AKR1E2: variants seen among roughly 807,000 people sequenced by gnomAD.
AKR1E2 encodes the protein 1,5-anhydro-D-fructose reductase.
A neutral mutation model predicts 41.9 loss-of-function variants in AKR1E2; 43 were observed. That is an observed-to-expected ratio of 1.03 (90% CI 0.80 to 1.32). The LOEUF (loss-of-function observed/expected upper bound fraction) is 1.32. Ranked by LOEUF, AKR1E2 falls within the 40% of genes most tolerant of loss-of-function variation. AKR1E2 has a pLI of 0.00. For synonymous variants in AKR1E2, 121 were observed against 138.9 expected, an observed-to-expected ratio of 0.87 and a Z score of 0.91; for missense variants, 423 against 396.5, an observed-to-expected ratio of 1.07 and a Z score of -0.57.
chr10:4,867,806 A>G, the AKR1E2 span, among the ~76,000 whole-genome samples: 1 of 152,108 alleles, frequency 6.6e-6, no homozygotes, highest in Non-Finnish European at 1.5e-5. Context: ...GTGTTACTTG[A>G]TGTGACTCAT....
At chr10:4,871,129 T>G in the AKR1E2 span, among the ~76,000 whole-genome samples, 1 of 152,198 alleles carries the variant, frequency 6.6e-6, no homozygotes, top group Non-Finnish European at 1.5e-5. Context: ...TTCTAAAATT[T>G]CCAAATCTGG....
At chr10:4,871,175 T>C in the AKR1E2 span, among the ~76,000 whole-genome samples, 1 of 152,144 alleles carries the variant, frequency 6.6e-6, no homozygotes, top group Admixed American at 6.5e-5. Flanking sequence ...TCTAAAACTT[T>C]CTAATTTTTT....
chr10:4,854,306 C>G, the AKR1E2 span, among the ~76,000 whole-genome samples: 1 of 152,108 alleles, frequency 6.6e-6, no homozygotes, highest in African/African-American at 2.4e-5. Context: ...ATTGACCAGG[C>G]TGGTCTTTAA....
At position 4,847,573 on chromosome 10, in the gene AKR1E2, G is replaced by T. The variant is rs370252001; in HGVS notation, c.*43G>T. The T allele has an allele frequency of 7.5e-6, 12 of 1,602,918 alleles. No homozygotes were observed. The highest frequency in any genetic ancestry group is 7.7e-6 in the Non-Finnish European group (9 of 1,171,568). ...TGTTTCTGCTCAGCCCAGATGCACAGACACTATTGGCAATGTTGACCCTCC... is the reference window on the plus strand; with the variant it reads ...TGTTTCTGCTCAGCCCAGATGCACATACACTATTGGCAATGTTGACCCTCC... On this transcript the variant is annotated 3_prime_UTR_variant, in exon 10 of 10. Transcript: ENST00000298375.
intron 8 of AKR1E2, among the ~76,000 whole-genome samples, chr10:4,843,861 A>G (rs1834081650): frequency 6.6e-6 from 1 of 152,110 alleles, no homozygotes; most frequent in African/African-American, 2.4e-5. Context: ...CTGCTCTTTG[A>G]ATGGCCCAGA....
At chr10:4,836,604 A>G (rs1833445273) in intron 4 of AKR1E2, among the ~76,000 whole-genome samples, 1 of 152,092 alleles carries the variant, frequency 6.6e-6, no homozygotes, top group Non-Finnish European at 1.5e-5. Context: ...GCCAGAGGGA[A>G]CCCTCGGACA....
chr10:4,860,845 G>A, the AKR1E2 span, among the ~76,000 whole-genome samples: 4 of 152,060 alleles, frequency 2.6e-5, no homozygotes, highest in African/African-American at 9.6e-5. Context: ...GTGAACCTTG[G>A]GATTCTACAT....
intron 6 of AKR1E2, 62 bp from the exon 7 acceptor site, chr10:4,841,723 C>T (rs1013007761): frequency 2.3e-5 from 29 of 1,247,756 alleles, no homozygotes; most frequent in Non-Finnish European, 3.1e-5. Flanking sequence ...TTTCTTCTTT[C>T]TAAAGAAAGG....
the AKR1E2 span, among the ~76,000 whole-genome samples, chr10:4,861,091 A>G: frequency 6.6e-6 from 1 of 152,220 alleles, no homozygotes; most frequent in Non-Finnish European, 1.5e-5. Flanking sequence ...CAAAACTTAC[A>G]AAACATTTTA....
the AKR1E2 span, among the ~76,000 whole-genome samples, chr10:4,865,059 C>A: frequency 6.6e-6 from 1 of 151,948 alleles, no homozygotes; most frequent in Non-Finnish European, 1.5e-5. Context: ...GTTATTTGGC[C>A]TAAAAGTAAA....
At chr10:4,863,098 C>T in the AKR1E2 span, among the ~76,000 whole-genome samples, 1,477 of 152,258 alleles carry the variant, frequency 9.7e-3, 24 homozygotes, top group African/African-American at 0.034. Context: ...CTCAGCTCTG[C>T]ACCAAGTGGA....
the AKR1E2 span, among the ~76,000 whole-genome samples, chr10:4,866,101 T>C: frequency 6.6e-6 from 1 of 152,216 alleles, no homozygotes; most frequent in Non-Finnish European, 1.5e-5. Flanking sequence ...TATTGGGCCA[T>C]TGTTTTTCAC....
chr10:4,841,956 T>C (rs1833923454), intron 7 of AKR1E2, 99 bp downstream of exon 7: 1 of 1,096,286 alleles, frequency 9.1e-7, no homozygotes, highest in African/African-American at 1.6e-5. Context: ...AGGGACTGGC[T>C]CACCCAGGTG....
rs747679813 is a variant in AKR1E2, at chr10:4,833,384, A to C, written c.242A>C (p.Glu81Ala). Residue 81 changes from glutamate to alanine, a missense_variant, in exon 3 of 10, where the codon GAA (glutamate) becomes GCA (alanine). By Grantham distance (107) the Glu-to-Ala change is moderately radical. Coordinates refer to ENST00000298375, the MANE Select transcript of AKR1E2 (RefSeq NM_001040177.3). ...WCTCHKKSLV[E>A]TACRKSLKAL... ...ACCTGCCATAAGAAGTCCTTGGTGG[A>C]AACAGCATGCAGAAAGAGTCTCAAG... The C allele has an allele frequency of 8.1e-6, 13 of 1,614,064 alleles. No individual in the cohort carries two copies. Among genetic ancestry groups the C allele is most frequent in the Admixed American group, 6.7e-5 (4 of 60,006 alleles).
intron 1 of AKR1E2, among the ~76,000 whole-genome samples, chr10:4,829,049 T>G (rs1832766615): frequency 6.6e-6 from 1 of 152,190 alleles, no homozygotes; most frequent in African/African-American, 2.4e-5. Context: ...TTGCTTCTTC[T>G]TAGTTGTTCA....
rs1869219 is a variant in AKR1E2 at position 4,837,221 on chromosome 10, T to C, written c.460-238T>C. 0.035 allele frequency among the ~76,000 whole-genome samples: 5,310 copies of C among 152,340 alleles called. 150 individuals carry two copies. The highest frequency in any genetic ancestry group is 0.12 in the East Asian group (596 of 5,180). On this transcript the variant is annotated intron_variant, in intron 4 of 9. Coordinates refer to ENST00000298375, the MANE Select transcript of AKR1E2 (RefSeq NM_001040177.3). ...TGGCACAGGCCATGTAGACCTGTCC[T>C]GAAGCTGAGAAAATTGGGGCCAAGT...
chr10:4,841,894 C>T, intron 7 of AKR1E2, 37 bp downstream of exon 7: 1 of 1,589,066 alleles, frequency 6.3e-7, no homozygotes, highest in Non-Finnish European at 8.6e-7. Context: ...AGGTGGGGTT[C>T]TCTGACCGCT....
the AKR1E2 span, among the ~76,000 whole-genome samples, chr10:4,863,054 G>A: frequency 6.6e-6 from 1 of 152,094 alleles, no homozygotes; most frequent in East Asian, 1.9e-4. Flanking sequence ...AGATCAACGA[G>A]ACAGAAAGTT....
At position 4,836,514 on chromosome 10, in the gene AKR1E2, G is replaced by T. The variant is rs138045141; in HGVS notation, c.459+705G>T. ...TGTGGGATGGGACATCACATTTGAGGCCCAAGAAGAAAGTAAGCTTAAGCT... is the reference window on the plus strand; with the variant it reads ...TGTGGGATGGGACATCACATTTGAGTCCCAAGAAGAAAGTAAGCTTAAGCT... On this transcript the variant is annotated intron_variant, in intron 4 of 9. Transcript: ENST00000298375. Among the ~76,000 whole-genome samples the T allele has an allele frequency of 3.2e-3, 492 of 152,278 alleles. 3 individuals carry two copies. Among genetic ancestry groups the T allele is most frequent in the African/African-American group, 0.012 (479 of 41,562 alleles).
Sources: allele counts gnomAD v4.1 joint callset (sites outside exome capture counted in the v4.1 genomes callset), GRCh38; gene constraint gnomAD v4.1.1; transcripts MANE v1.5; gene names NCBI Gene and HGNC (gene_info 2026-07-23, HGNC 2026-07-21).